IL17RD: variants seen among roughly 807,000 people sequenced by gnomAD.
The protein encoded by IL17RD is interleukin-17 receptor D.
IL17RD carries 52 observed loss-of-function variants against 80.5 expected under a neutral mutation model. The ratio of observed to expected loss-of-function variants is 0.65; its 90% CI spans 0.52 to 0.81. IL17RD has a LOEUF of 0.81. Ranked by LOEUF, IL17RD falls within the 40% of genes least tolerant of loss-of-function variation. IL17RD has a pLI of 0.00. For synonymous variants in IL17RD, 416 were observed against 391.8 expected (o/e 1.06, Z -0.73); for missense variants, 1,024 against 955.1 (o/e 1.07, Z -0.95).
chr3:57,156,093 G>A (rs1579321273), intron 1 of IL17RD, among the ~76,000 whole-genome samples: 1 of 152,160 alleles, frequency 6.6e-6, no homozygotes, highest in South Asian at 2.1e-4. Flanking sequence ...AACAAAACAG[G>A]TAAAGACCCC....
chr3:57,156,941 A>C (rs909362017), intron 1 of IL17RD, among the ~76,000 whole-genome samples: 5 of 152,050 alleles, frequency 3.3e-5, no homozygotes, highest in Non-Finnish European at 7.4e-5. Flanking sequence ...TTGAAATTCA[A>C]TTTCTTCCTA....
At chr3:57,112,491 C>T (rs553992282) in intron 3 of IL17RD, among the ~76,000 whole-genome samples, 5 of 152,304 alleles carry the variant, frequency 3.3e-5, no homozygotes, top group Non-Finnish European at 5.9e-5. Context: ...CCAGGAAAAG[C>T]GCAGACTTCT....
chr3:57,103,711 A>G (rs1706887779), intron 8 of IL17RD, among the ~76,000 whole-genome samples: 1 of 152,062 alleles, frequency 6.6e-6, no homozygotes, highest in South Asian at 2.1e-4. Context: ...ATGAAACATT[A>G]CTTTTTTTTT....
intron 1 of IL17RD, among the ~76,000 whole-genome samples, chr3:57,130,817 T>C (rs1482863333): frequency 6.6e-6 from 1 of 152,184 alleles, no homozygotes; most frequent in Non-Finnish European, 1.5e-5. Context: ...GTTGTCAGTA[T>C]GTGTGCCCAG....
At chr3:57,101,033 C>T (rs1026373079) in intron 11 of IL17RD, 146 bp downstream of exon 11, 4 of 616,562 alleles carry the variant, frequency 6.5e-6, no homozygotes, top group South Asian at 4.2e-5. Context: ...AAAAAGAGTG[C>T]GAGACTATCC....
At position 57,099,659 on chromosome 3, in the gene IL17RD, C is replaced by G. The variant is rs541988110; in HGVS notation, c.1165-1121G>C. Among the ~76,000 whole-genome samples, 26 of 152,322 alleles carry G rather than the reference C, an allele frequency of 1.7e-4. No individual in the cohort carries two copies. The South Asian group carries it at 5.4e-3, about 32-fold the overall frequency. ...TTAATTCTTGTTAACATTACACATG[C>G]TAAAAGCTCAGTGGGAGTATATACC... On this transcript the variant is annotated intron_variant, in intron 11 of 12. Coordinates refer to ENST00000296318, the MANE Select transcript of IL17RD (RefSeq NM_017563.5).
At chr3:57,113,923 C>T (rs1246348036) in intron 3 of IL17RD, among the ~76,000 whole-genome samples, 10 of 151,960 alleles carry the variant, frequency 6.6e-5, no homozygotes, top group African/African-American at 1.5e-4. Flanking sequence ...CAGTGGCTCA[C>T]GCCTGTAATC....
Position 57,098,458 on chromosome 3 carries a change from G to A in IL17RD, c.1245C>T (p.Ser415=), listed in dbSNP as rs777385938. Residue 415 remains serine (S), a synonymous_variant, in exon 12 of 13, where the codon TCC becomes TCT. Transcript: ENST00000296318. The stretch of plus-strand genomic sequence containing the variant: ...TGGAACAAACCACAATGATGAACTG[G>A]GACTCGTGGATCTTCTGGATGACCC... ...REWVIQKIHE[S]QFIIVVCSKG... The A allele has an allele frequency of 1.9e-6, 3 of 1,613,898 alleles. No individual in the cohort carries two copies. The South Asian group carries it at 3.3e-5, about 18-fold the overall frequency.
intron 1 of IL17RD, among the ~76,000 whole-genome samples, chr3:57,157,839 C>T (rs1343759803): frequency 6.6e-6 from 1 of 152,148 alleles, no homozygotes; most frequent in Non-Finnish European, 1.5e-5. Context: ...TCCCATTAAC[C>T]CTCCCACTCT....
At chr3:57,101,055 G>A (rs1357975971) in intron 11 of IL17RD, 124 bp downstream of exon 11, 3 of 669,016 alleles carry the variant, frequency 4.5e-6, no homozygotes, top group Non-Finnish European at 5.2e-6. Context: ...CAGTTTGAAA[G>A]CTGTGGCACT....
upstream of IL17RD, among the ~76,000 whole-genome samples, chr3:57,166,606 A>G (rs1170347994): frequency 6.6e-6 from 1 of 152,214 alleles, no homozygotes; most frequent in Non-Finnish European, 1.5e-5. Flanking sequence ...AGGATTAATA[A>G]AAATAAAATC....
rs79622096 is a variant in IL17RD at position 57,147,182 on chromosome 3, C to T, written c.126+17979G>A. Among the ~76,000 whole-genome samples, 42 of 152,110 alleles carry T rather than the reference C, an allele frequency of 2.8e-4. No individual in the cohort carries two copies. The East Asian group carries it at 7.4e-3, about 27-fold the overall frequency. On this transcript the variant is annotated intron_variant, in intron 1 of 12. Transcript: ENST00000296318. ...GAGAAGAATGAGTACATGTATACTG[C>T]TGATAAAAAGACTGCAGCCAGTCAC...
At chr3:57,123,218 C>G (rs1427792959) in intron 1 of IL17RD, among the ~76,000 whole-genome samples, 1 of 152,218 alleles carries the variant, frequency 6.6e-6, no homozygotes, top group East Asian at 1.9e-4. Context: ...TGGCCTAAGA[C>G]TCACAAGGCT....
upstream of IL17RD, among the ~76,000 whole-genome samples, chr3:57,168,969 C>T (rs751478618): frequency 3.3e-5 from 5 of 152,234 alleles, no homozygotes; most frequent in East Asian, 3.8e-4. Flanking sequence ...CCACCCACCT[C>T]GGACTTCCAA....
chr3:57,135,056 C>T (rs1707695915), intron 1 of IL17RD, among the ~76,000 whole-genome samples: 1 of 152,078 alleles, frequency 6.6e-6, no homozygotes, highest in Non-Finnish European at 1.5e-5. Flanking sequence ...AGCAGTGAGC[C>T]ATGATCACTC....
In IL17RD at chr3:57,098,077, T is replaced by TA; in HGVS notation, c.1625dup (p.Tyr543IlefsTer12). The TA allele has an allele frequency of 6.2e-7, 1 of 1,613,946 alleles. No individual in the cohort carries two copies. Among genetic ancestry groups the TA allele is most frequent in the Admixed American group, 1.7e-5 (1 of 60,024 alleles). ...GGTGCATGTTGCAAATGGCGACGTA[T>TA]AGGGACCGGCCTGACTTGCTCCGGA... On this transcript the variant is annotated frameshift_variant, in exon 12 of 13. Coordinates refer to ENST00000296318, the MANE Select transcript of IL17RD (RefSeq NM_017563.5). LOFTEE classifies it high-confidence loss of function.
At chr3:57,109,920 G>C (rs1259259141) in intron 4 of IL17RD, among the ~76,000 whole-genome samples, 1 of 152,222 alleles carries the variant, frequency 6.6e-6, no homozygotes, top group East Asian at 1.9e-4. Context: ...GGGGCGCAGG[G>C]TGAGCCCACA....
At chr3:57,101,704 A>G (rs1706835085) in intron 10 of IL17RD, among the ~76,000 whole-genome samples, 1 of 152,274 alleles carries the variant, frequency 6.6e-6, no homozygotes, top group African/African-American at 2.4e-5. Flanking sequence ...AATTAAGCAC[A>G]GGCAGAGCTG....
At chr3:57,165,088 C>G (rs1165103268) in intron 1 of IL17RD, 73 bp downstream of exon 1, 1 of 1,396,496 alleles carries the variant, frequency 7.2e-7, no homozygotes, top group African/African-American at 1.5e-5. Flanking sequence ...GGGCTCGCCT[C>G]CCCGCGAGCA....
Sources: allele counts gnomAD v4.1 joint callset (sites outside exome capture counted in the v4.1 genomes callset), GRCh38; gene constraint gnomAD v4.1.1; transcripts MANE v1.5; gene names NCBI Gene and HGNC (gene_info 2026-07-23, HGNC 2026-07-21).